DCDC1: variants seen among roughly 807,000 people sequenced by gnomAD.
DCDC1 encodes the protein doublecortin domain-containing protein 1.
In DCDC1, 200 loss-of-function variants were observed where a neutral mutation model predicts 178.3. The observed-to-expected ratio is 1.12, with a 90% CI of 1.00 to 1.26. The LOEUF (loss-of-function observed/expected upper bound fraction) is 1.26. Ranked by LOEUF, DCDC1 falls within the 50% of genes most tolerant of loss-of-function variation. The pLI is 0.00. For synonymous variants in DCDC1, 690 were observed against 604.8 expected, an observed-to-expected ratio of 1.14 and a Z score of -2.07; for missense variants, 1,983 against 1,749.2, an observed-to-expected ratio of 1.13 and a Z score of -2.38.
intron 11 of DCDC1, among the ~76,000 whole-genome samples, chr11:31,120,150 A>G (rs1288860779): frequency 1.3e-5 from 2 of 152,200 alleles, no homozygotes; most frequent in Non-Finnish European, 2.9e-5. Context: ...GGATGAAGAC[A>G]TCCTTTAAAA....
Position 30,870,378 on chromosome 11 carries a change from C to T in DCDC1, c.*41-5046G>A, listed in dbSNP as rs182232008. On this transcript the variant is annotated intron_variant, in intron 38 of 38. Coordinates refer to ENST00000684477, the MANE Select transcript of DCDC1 (RefSeq NM_001387274.1). ...GTGTCCTAGAGAATAACGACTATTT[C>T]CAACTCAAAGCACAGCAGACCACTG... is the stretch of plus-strand genomic sequence containing the variant. 3.3e-3 allele frequency among the ~76,000 whole-genome samples: 508 copies of T among 152,214 alleles called. 2 individuals are homozygous for T. Among genetic ancestry groups the T allele is most frequent in the Middle Eastern group, 6.8e-3 (2 of 294 alleles).
At chr11:31,180,641 T>G (rs917655000) in intron 9 of DCDC1, among the ~76,000 whole-genome samples, 2 of 152,154 alleles carry the variant, frequency 1.3e-5, no homozygotes, top group Non-Finnish European at 2.9e-5. Flanking sequence ...CTTGAGAGAC[T>G]GTGCTGTGAG....
intron 11 of DCDC1, 53 bp from the exon 12 acceptor site, chr11:31,110,414 C>T (rs1444168095): frequency 4.5e-6 from 3 of 661,928 alleles, no homozygotes; most frequent in African/African-American, 1.8e-5. Context: ...CACATACATA[C>T]ATATATTCAT....
chr11:31,262,785 G>A (rs558395889), intron 8 of DCDC1: 95 of 327,572 alleles, frequency 2.9e-4, no homozygotes, highest in Middle Eastern at 2.5e-3. Context: ...GAAAAAAGAA[G>A]TTCAAAAACC....
At chr11:31,354,298 C>T (rs1263903351) in intron 1 of DCDC1, among the ~76,000 whole-genome samples, 2 of 151,758 alleles carry the variant, frequency 1.3e-5, no homozygotes, top group Non-Finnish European at 2.9e-5. Context: ...AACAAACAAA[C>T]CAAAAAAAAT....
chr11:31,062,262 G>GT (rs1955973385), intron 20 of DCDC1, among the ~76,000 whole-genome samples: 1 of 152,134 alleles, frequency 6.6e-6, no homozygotes. Flanking sequence ...AAATGGCTGA[G>GT]TAGAAATGGC....
chr11:30,905,825 A>G (rs563934585), intron 30 of DCDC1, among the ~76,000 whole-genome samples: 1 of 152,146 alleles, frequency 6.6e-6, no homozygotes, highest in Non-Finnish European at 1.5e-5. Flanking sequence ...GCTTCTGTTG[A>G]TGTTTTTTGT....
chr11:30,876,432 A>G (rs1441405751), intron 38 of DCDC1, among the ~76,000 whole-genome samples: 1 of 152,206 alleles, frequency 6.6e-6, no homozygotes, highest in Non-Finnish European at 1.5e-5. Context: ...AGTCTAAGCT[A>G]AAAGTGGCTA....
Position 31,264,728 on chromosome 11 carries a change from A to T in DCDC1, c.1054+779T>A, listed in dbSNP as rs910739764. ...AAGAACCTAGTGAGTGAATTTCTCT[A>T]TTGTCAAATTAATTCCTACTCTGTC... On this transcript the variant is annotated intron_variant, in intron 8 of 38. Transcript: ENST00000684477. Among the ~76,000 whole-genome samples, 3 of 152,174 alleles carry T rather than the reference A, an allele frequency of 2.0e-5. 1 individual carries two copies. The highest frequency in any genetic ancestry group is 4.4e-5 in the Non-Finnish European group (3 of 68,032).
At chr11:31,296,745 C>A (rs1947710681) in intron 6 of DCDC1, among the ~76,000 whole-genome samples, 1 of 152,166 alleles carries the variant, frequency 6.6e-6, no homozygotes, top group South Asian at 2.1e-4. Flanking sequence ...GCAAACACAT[C>A]CTCTTCACAG....
chr11:31,346,839 C>T lies in DCDC1; in HGVS notation c.-124-11275G>A, dbSNP rs143866795. 7.6e-3 allele frequency among the ~76,000 whole-genome samples: 1,162 copies of T among 152,160 alleles called. 5 individuals carry two copies. The highest frequency in any genetic ancestry group is 0.012 in the Non-Finnish European group (820 of 67,994). On this transcript the variant is annotated intron_variant, in intron 1 of 38. Transcript: ENST00000684477. Reference sequence around the variant, plus strand: ...GGTGAAGAGTACATGGAGGTTTTACCGTTTTTCCTCTTGTATGTGTTTGAA... The same window carrying T: ...GGTGAAGAGTACATGGAGGTTTTACTGTTTTTCCTCTTGTATGTGTTTGAA...
intron 8 of DCDC1, among the ~76,000 whole-genome samples, chr11:31,247,631 A>T (rs1943663085): frequency 6.6e-6 from 1 of 152,060 alleles, no homozygotes; most frequent in East Asian, 1.9e-4. Flanking sequence ...TGCAGGGGAC[A>T]TTTGGTAGTT....
At chr11:31,277,189 A>T (rs918753842) in intron 7 of DCDC1, among the ~76,000 whole-genome samples, 2 of 152,062 alleles carry the variant, frequency 1.3e-5, no homozygotes, top group Admixed American at 1.3e-4. Flanking sequence ...ACTAGAGAAT[A>T]GTTCGTCTGT....
intron 20 of DCDC1, among the ~76,000 whole-genome samples, chr11:30,967,448 C>A (rs1169968078): frequency 6.6e-6 from 1 of 152,184 alleles, no homozygotes; most frequent in Non-Finnish European, 1.5e-5. Context: ...TGATAAGCAA[C>A]TTCAGCAAAG....
At chr11:31,321,578 C>T (rs1024968213) in intron 3 of DCDC1, among the ~76,000 whole-genome samples, 1 of 152,076 alleles carries the variant, frequency 6.6e-6, no homozygotes, top group Non-Finnish European at 1.5e-5. Flanking sequence ...GAGATGAACC[C>T]GGTACCTCAG....
chr11:30,946,994 C>T (rs958824405), intron 21 of DCDC1, among the ~76,000 whole-genome samples: 3 of 152,048 alleles, frequency 2.0e-5, no homozygotes, highest in African/African-American at 7.2e-5. Context: ...AAACGTAAAC[C>T]ATAAATAATA....
intron 3 of DCDC1, chr11:31,314,365 T>C (rs1224000247): frequency 6.6e-6 from 1 of 152,232 alleles, no homozygotes; most frequent in Non-Finnish European, 1.5e-5. Flanking sequence ...CATTTACTTC[T>C]CCATCCATTA....
intron 6 of DCDC1, among the ~76,000 whole-genome samples, chr11:31,300,832 A>G: frequency 6.6e-6 from 1 of 152,188 alleles, no homozygotes; most frequent in Non-Finnish European, 1.5e-5. Flanking sequence ...GTTTGCAAGC[A>G]TCTGTACAGT....
chr11:31,172,903 T>C (rs1967439710), intron 9 of DCDC1, among the ~76,000 whole-genome samples: 1 of 152,142 alleles, frequency 6.6e-6, no homozygotes, highest in African/African-American at 2.4e-5. Context: ...GGATCGACTG[T>C]AGTTATAAGA....
Sources: gnomAD v4.1 joint callset for allele counts (sites outside exome capture counted in the v4.1 genomes callset) on GRCh38, gnomAD v4.1.1 for gene constraint, MANE v1.5 for transcripts, NCBI Gene and HGNC (gene_info 2026-07-23, HGNC 2026-07-21) for gene names.